Variants in PLPP3 observed in about 807,000 individuals in gnomAD.
PLPP3 encodes phospholipid phosphatase 3.
Under a neutral mutation model 29.6 loss-of-function variants are expected in PLPP3, and 6 were observed. The observed-to-expected ratio is 0.20, with a 90% CI of 0.11 to 0.40. The LOEUF is 0.40. Ranked by LOEUF, PLPP3 falls within the 10% of genes least tolerant of loss-of-function variation. The probability of loss-of-function intolerance (pLI) is 1.00; values close to 1 mark genes in which losing one functional copy is unlikely to be tolerated. For synonymous variants in PLPP3, 152 were observed against 159.7 expected, an observed-to-expected ratio of 0.95 and a Z score of 0.36; for missense variants, 308 against 407.7, an observed-to-expected ratio of 0.76 and a Z score of 2.11.
chr1:56,501,828 CAT>C (rs1236438190), intron 5 of PLPP3, among the ~76,000 whole-genome samples: 1 of 152,180 alleles, frequency 6.6e-6, no homozygotes, highest in Non-Finnish European at 1.5e-5. Context: ...TATGAATGAA[CAT>C]GTGAAATCTG....
At chr1:56,556,914 G>A (rs1296570518) in intron 1 of PLPP3, among the ~76,000 whole-genome samples, 1 of 131,276 alleles carries the variant, frequency 7.6e-6, no homozygotes, top group Non-Finnish European at 1.6e-5. Context: ...GAGGGGAGTG[G>A]AGGGAGAAAG....
chr1:56,512,468 T>C (rs1645747511), intron 4 of PLPP3: 1 of 212,684 alleles, frequency 4.7e-6, no homozygotes, highest in Admixed American at 6.2e-5. Context: ...AAAAATTATC[T>C]GGGTGTGATG....
intron 4 of PLPP3, 97 bp from the exon 5 acceptor site, chr1:56,512,249 G>A (rs1645746254): frequency 1.5e-5 from 18 of 1,163,062 alleles, no homozygotes; most frequent in Non-Finnish European, 2.1e-5. Flanking sequence ...TACGAACAGG[G>A]ATCATCTGGA....
intron 1 of PLPP3, among the ~76,000 whole-genome samples, chr1:56,558,740 C>A (rs1156344943): frequency 6.6e-6 from 1 of 152,206 alleles, no homozygotes; most frequent in African/African-American, 2.4e-5. Context: ...GGGCCAGGAT[C>A]GGAACCCAGA....
intron 1 of PLPP3, among the ~76,000 whole-genome samples, chr1:56,578,451 C>T (rs1427620991): frequency 2.6e-5 from 4 of 152,094 alleles, no homozygotes; most frequent in African/African-American, 9.7e-5. Context: ...CAGCTCGGCT[C>T]CAGGCAGGAG....
At chr1:56,548,170 G>A (rs532555594) in intron 1 of PLPP3, among the ~76,000 whole-genome samples, 2 of 152,260 alleles carry the variant, frequency 1.3e-5, no homozygotes, top group Admixed American at 6.5e-5. Context: ...CTGTGGATAG[G>A]ACAACCCTCA....
intron 1 of PLPP3, among the ~76,000 whole-genome samples, chr1:56,544,155 A>G (rs927694306): frequency 6.6e-6 from 1 of 152,226 alleles, no homozygotes; most frequent in Non-Finnish European, 1.5e-5. Context: ...GAAAGTGCTT[A>G]CAGTGAAAAC....
At chr1:56,501,114 G>A (rs1357944518) in intron 5 of PLPP3, among the ~76,000 whole-genome samples, 1 of 151,836 alleles carries the variant, frequency 6.6e-6, no homozygotes, top group East Asian at 1.9e-4. Context: ...GTCTAGGGGA[G>A]GATGAGTCCT....
chr1:56,500,297 T>C (rs746052592), intron 5 of PLPP3, among the ~76,000 whole-genome samples: 7 of 152,108 alleles, frequency 4.6e-5, no homozygotes, highest in Admixed American at 3.9e-4. Context: ...TACAGCATAT[T>C]AAGGATTATG....
At chr1:56,509,302 G>A (rs865906519) in intron 5 of PLPP3, among the ~76,000 whole-genome samples, 32 of 152,256 alleles carry the variant, frequency 2.1e-4, no homozygotes, top group Middle Eastern at 6.8e-3. Flanking sequence ...GAAGGACTCC[G>A]TGACACAATT....
intron 1 of PLPP3, among the ~76,000 whole-genome samples, chr1:56,557,015 A>AAAGAAG (rs1349023505): frequency 7.4e-5 from 1 of 13,590 alleles, no homozygotes; most frequent in Non-Finnish European, 1.9e-4. Context: ...AGAAAGAGAG[A>AAAGAAG]GAGAGAGAGA....
rs966149653 is a variant in PLPP3, at chr1:56,501,082, G to A, written c.811-4406C>T. Among the ~76,000 whole-genome samples, 14 of 151,040 alleles carry A rather than the reference G, an allele frequency of 9.3e-5. No individual in the cohort carries two copies. The South Asian group carries it at 1.0e-3, about 11-fold the overall frequency. On this transcript the variant is annotated intron_variant, in intron 5 of 5. Coordinates refer to ENST00000371250, the MANE Select transcript of PLPP3 (RefSeq NM_003713.5). ...GACGGAGTCAAAAAGCATGCAGTGAGCCTGGAGGCAGGGATTACAGAGTCT... is the reference window on the plus strand; with the variant it reads ...GACGGAGTCAAAAAGCATGCAGTGAACCTGGAGGCAGGGATTACAGAGTCT...
intron 1 of PLPP3, among the ~76,000 whole-genome samples, chr1:56,560,620 C>T (rs927556389): frequency 6.6e-6 from 1 of 152,162 alleles, no homozygotes. Flanking sequence ...ATCCCATTCA[C>T]GAGCACTCTG....
rs1280792172 is a variant in PLPP3 at position 56,553,899 on chromosome 1, C to A, written c.140-16787G>T. ...GAAGGTTCATACAATGCCTGGCACA[C>A]AGAAAATGCTCAGTAAATGTTACTC... On this transcript the variant is annotated intron_variant, in intron 1 of 5. Transcript: ENST00000371250. Among the ~76,000 whole-genome samples the A allele has an allele frequency of 2.0e-5, 3 of 152,130 alleles. No individual in the cohort carries two copies. In the South Asian group the frequency reaches 6.2e-4, roughly 32 times the overall value.
At chr1:56,572,238 C>T (rs1481433326) in intron 1 of PLPP3, among the ~76,000 whole-genome samples, 2 of 151,682 alleles carry the variant, frequency 1.3e-5, no homozygotes, top group African/African-American at 2.4e-5. Flanking sequence ...TTAGTAGAGA[C>T]GGGGTTTCAC....
chr1:56,526,162 C>T (rs938870936), intron 2 of PLPP3, among the ~76,000 whole-genome samples: 2 of 152,184 alleles, frequency 1.3e-5, no homozygotes, highest in African/African-American at 2.4e-5. Context: ...GAGAGCAAAA[C>T]TAGTATGGGA....
rs1335864193 is a variant in PLPP3 at position 56,495,339 on chromosome 1, G to C, written c.*1212C>G. On this transcript the variant is annotated 3_prime_UTR_variant, in exon 6 of 6. Transcript: ENST00000371250. ...GGGTCCCTGTCTATCACCTAGAGTG[G>C]GACCTTGCATGGAAGGACACTTACG... 1 of 152,500 alleles carries C rather than the reference G, an allele frequency of 6.6e-6. No homozygotes were observed. Among genetic ancestry groups the C allele is most frequent in the South Asian group, 2.1e-4 (1 of 4,820 alleles). 9.4% of individuals were successfully genotyped at this position (152,500 alleles called of 1,614,324 possible).
At chr1:56,555,464 A>AAC (rs1557512865) in intron 1 of PLPP3, among the ~76,000 whole-genome samples, 2 of 149,454 alleles carry the variant, frequency 1.3e-5, no homozygotes, top group African/African-American at 4.9e-5. Flanking sequence ...AAAAAAACAA[A>AAC]AAACAAACAA....
intron 4 of PLPP3, among the ~76,000 whole-genome samples, chr1:56,522,868 G>C (rs1389789248): frequency 6.6e-6 from 1 of 152,240 alleles, no homozygotes; most frequent in South Asian, 2.1e-4. Context: ...TGGCACACAC[G>C]GACCTCATTC....
Sources: allele counts gnomAD v4.1 joint callset (sites outside exome capture counted in the v4.1 genomes callset), GRCh38; gene constraint gnomAD v4.1.1; transcripts MANE v1.5; gene names NCBI Gene and HGNC (gene_info 2026-07-23, HGNC 2026-07-21).